Variants in TRIT1 observed in about 807,000 individuals in gnomAD.
TRIT1 encodes the protein tRNA isopentenyltransferase 1, also known as tRNA dimethylallyltransferase.
Under a neutral mutation model 51.2 loss-of-function variants are expected in TRIT1, and 43 were observed. The ratio of observed to expected loss-of-function variants is 0.84; its 90% CI spans 0.66 to 1.08. The LOEUF (loss-of-function observed/expected upper bound fraction) is 1.08. Ranked by LOEUF, TRIT1 falls within the 50% of genes least tolerant of loss-of-function variation. TRIT1 has a pLI of 0.00. For synonymous variants in TRIT1, 184 were observed against 203.9 expected, an observed-to-expected ratio of 0.90 and a Z score of 0.83; for missense variants, 528 against 578.4, an observed-to-expected ratio of 0.91 and a Z score of 0.89.
intron 1 of TRIT1, among the ~76,000 whole-genome samples, chr1:39,862,572 G>A (rs1431819671): frequency 6.6e-6 from 1 of 152,084 alleles, no homozygotes; most frequent in Non-Finnish European, 1.5e-5. Context: ...AAATCATACT[G>A]CACAGTTAAG....
rs555925914 is a variant in TRIT1 at position 39,873,946 on chromosome 1, T to C, written c.174+9372A>G. ...AGGAGAATTGCTTGAACCCGGGGGA[T>C]GGAGGCTGCAGTGAGCCGAGATCAC... On this transcript the variant is annotated intron_variant, in intron 1 of 10. Coordinates refer to ENST00000316891, the MANE Select transcript of TRIT1 (RefSeq NM_017646.6). Among the ~76,000 whole-genome samples the C allele has an allele frequency of 3.0e-3, 450 of 149,028 alleles. 4 individuals are homozygous for C. The highest frequency in any genetic ancestry group is 0.011 in the African/African-American group (435 of 40,450).
At chr1:39,872,870 G>A (rs1308583857) in intron 1 of TRIT1, among the ~76,000 whole-genome samples, 1 of 150,280 alleles carries the variant, frequency 6.7e-6, no homozygotes, top group African/African-American at 2.5e-5. Context: ...GGAAAAGGAA[G>A]GAAAAGGAAG....
intron 2 of TRIT1, among the ~76,000 whole-genome samples, chr1:39,855,861 G>C (rs1176954307): frequency 6.6e-6 from 1 of 152,162 alleles, no homozygotes; most frequent in African/African-American, 2.4e-5. Context: ...TCAGTATCTA[G>C]TACCTTCACC....
At position 39,839,585 on chromosome 1, in the gene TRIT1, T is replaced by C. The variant is rs1652489260; in HGVS notation, c.*2159A>G. 6.6e-6 allele frequency among the ~76,000 whole-genome samples: 1 copy of C among 152,218 alleles called. No individual in the cohort carries two copies. Among genetic ancestry groups the C allele is most frequent in the African/African-American group, 2.4e-5 (1 of 41,462 alleles). On this transcript the variant is annotated 3_prime_UTR_variant, in exon 11 of 11. Coordinates refer to ENST00000316891, the MANE Select transcript of TRIT1 (RefSeq NM_017646.6). Reference sequence around the variant, plus strand: ...TTCAGACCAGAGCACCAGGCAGATTTCTAGTGAGTGTTCTGCCTTTCCCAG... The same window carrying C: ...TTCAGACCAGAGCACCAGGCAGATTCCTAGTGAGTGTTCTGCCTTTCCCAG...
rs1652494393 is a variant in TRIT1 at position 39,839,805 on chromosome 1, AG to A, written c.*1938del. On this transcript the variant is annotated 3_prime_UTR_variant, in exon 11 of 11. Transcript: ENST00000316891. ...GAGTTCAATGAGAAGTTACTGCTCC[AG>A]GTATTTCAGATGGAAGGATTAAAAG... Among the ~76,000 whole-genome samples, 1 of 152,222 alleles carries A rather than the reference AG, an allele frequency of 6.6e-6. No homozygotes were observed. The highest frequency in any genetic ancestry group is 1.5e-5 in the Non-Finnish European group (1 of 68,040).
At chr1:39,868,984 G>C (rs543807309) in intron 1 of TRIT1, among the ~76,000 whole-genome samples, 7 of 152,012 alleles carry the variant, frequency 4.6e-5, no homozygotes, top group Admixed American at 1.3e-4. Context: ...CGCTTGAACC[G>C]ATGAGGCAGA....
intron 1 of TRIT1, among the ~76,000 whole-genome samples, chr1:39,880,274 A>T (rs1267561906): frequency 1.4e-5 from 2 of 145,836 alleles, no homozygotes; most frequent in Non-Finnish European, 3.1e-5. Flanking sequence ...CAAATAAAAA[A>T]AAAAAAAAAA....
intron 1 of TRIT1, chr1:39,862,833 A>C (rs1050441156): frequency 1.0e-6 from 1 of 985,306 alleles, no homozygotes; most frequent in African/African-American, 1.7e-5. Flanking sequence ...CTCTACCTAC[A>C]ATCAGCCTGA....
At chr1:39,876,409 G>C (rs891810328) in intron 1 of TRIT1, among the ~76,000 whole-genome samples, 4 of 151,988 alleles carry the variant, frequency 2.6e-5, no homozygotes, top group Non-Finnish European at 5.9e-5. Flanking sequence ...CTCCCTGTAG[G>C]TGCAAAAACA....
rs774594820 is a variant in TRIT1, at chr1:39,854,106, C to T, written c.316-38G>A. ...AAAGATATCACGATATCAAGAGAAT[C>T]CTGACTCACTTTGGAAGGACACCAT... On this transcript the variant is annotated intron_variant, in intron 2 of 10. Transcript: ENST00000316891. The T allele has an allele frequency of 4.8e-6, 7 of 1,447,450 alleles. No homozygotes were observed. In the South Asian group the frequency reaches 7.3e-5, roughly 15 times the overall value. The allele number at this position is 1,447,450 out of a possible 1,614,324, so 89.7% of individuals were successfully genotyped here. A position where few individuals can be genotyped will look rare whatever the true frequency, so the allele number is the denominator to read the frequency against.
intron 4 of TRIT1, among the ~76,000 whole-genome samples, chr1:39,851,474 A>C (rs1642567174): frequency 6.6e-6 from 1 of 152,224 alleles, no homozygotes; most frequent in African/African-American, 2.4e-5. Context: ...AAAAAAATTG[A>C]ATGTTTTCTA....
intron 10 of TRIT1, among the ~76,000 whole-genome samples, chr1:39,842,354 C>A (rs1031561955): frequency 6.6e-6 from 1 of 152,204 alleles, no homozygotes; most frequent in Non-Finnish European, 1.5e-5. Flanking sequence ...GTTATAGATG[C>A]ATTTTTAACT....
chr1:39,860,573 C>G (rs760559740), intron 1 of TRIT1, among the ~76,000 whole-genome samples: 6 of 152,168 alleles, frequency 3.9e-5, no homozygotes, highest in Non-Finnish European at 8.8e-5. Flanking sequence ...AATGGATACT[C>G]AACCTGTACC....
At chr1:39,883,260 AGGGTGTCCACGCGGCCTCCG>A (rs1644318701) in intron 1 of TRIT1, 38 bp downstream of exon 1, 9 of 1,546,482 alleles carry the variant, frequency 5.8e-6, no homozygotes, top group Non-Finnish European at 7.9e-6. Context: ...CCTTTGCCAC[AGGGTGTCCACGCGGCCTCCG>A]GGGTCCCCAG....
chr1:39,845,158 A>G (rs1642154837), intron 8 of TRIT1, among the ~76,000 whole-genome samples: 1 of 152,258 alleles, frequency 6.6e-6, no homozygotes, highest in Non-Finnish European at 1.5e-5. Context: ...TCAACCAATA[A>G]GCCGCAGAAT....
chr1:39,880,628 A>G (rs1191380779), intron 1 of TRIT1, among the ~76,000 whole-genome samples: 1 of 151,804 alleles, frequency 6.6e-6, no homozygotes, highest in Non-Finnish European at 1.5e-5. Flanking sequence ...ATGAAACCCT[A>G]TCTCTACTAA....
chr1:39,853,089 C>T (rs551579609), intron 3 of TRIT1, among the ~76,000 whole-genome samples: 1 of 152,314 alleles, frequency 6.6e-6, no homozygotes, highest in South Asian at 2.1e-4. Flanking sequence ...TAGGGAAACA[C>T]CTGGCTATTT....
At chr1:39,845,446 A>T (rs1398053658) in intron 8 of TRIT1, among the ~76,000 whole-genome samples, 2 of 152,256 alleles carry the variant, frequency 1.3e-5, no homozygotes, top group Admixed American at 1.3e-4. Flanking sequence ...AGCATCGCCC[A>T]TGGGCAAAAA....
intron 1 of TRIT1, among the ~76,000 whole-genome samples, chr1:39,876,968 T>C (rs1644082665): frequency 7.0e-6 from 1 of 142,886 alleles, no homozygotes; most frequent in Admixed American, 7.2e-5. Flanking sequence ...CTTTGTCAGT[T>C]GTGGCAAATA....
Sources: allele counts gnomAD v4.1 joint callset (sites outside exome capture counted in the v4.1 genomes callset), GRCh38; gene constraint gnomAD v4.1.1; transcripts MANE v1.5; gene names NCBI Gene and HGNC (gene_info 2026-07-23, HGNC 2026-07-21).